PRKD3: variants seen among roughly 807,000 people sequenced by gnomAD.
The protein encoded by PRKD3 is protein kinase D3, also known as serine/threonine-protein kinase D3.
In PRKD3, 47 loss-of-function variants were observed where a neutral mutation model predicts 99.2. The observed-to-expected ratio is 0.47, with a 90% CI of 0.38 to 0.60. The LOEUF is 0.60. Ranked by LOEUF, PRKD3 falls within the 20% of genes least tolerant of loss-of-function variation. The probability of loss-of-function intolerance (pLI) is 0.00; values close to 1 mark genes in which losing one functional copy is unlikely to be tolerated. For missense variants in PRKD3, 1,019 were observed against 1,088.4 expected, an observed-to-expected ratio of 0.94 and a Z score of 0.90; for synonymous variants, 392 against 355.4, an observed-to-expected ratio of 1.10 and a Z score of -1.16.
intron 10 of PRKD3, 30 bp downstream of exon 10, chr2:37,275,737 C>T (rs1431590274): frequency 1.3e-6 from 2 of 1,566,282 alleles, no homozygotes; most frequent in Non-Finnish European, 1.7e-6. Context: ...TATCTTAATG[C>T]TTATATTTTT....
chr2:37,254,570 C>CTA (rs1667784410), intron 17 of PRKD3, among the ~76,000 whole-genome samples: 1 of 152,086 alleles, frequency 6.6e-6, no homozygotes, highest in South Asian at 2.1e-4. Flanking sequence ...GTTCTGCCAC[C>CTA]TACTAGCTGT....
chr2:37,271,392 G>A (rs1480473737), intron 12 of PRKD3, among the ~76,000 whole-genome samples: 2 of 152,112 alleles, frequency 1.3e-5, no homozygotes, highest in Non-Finnish European at 1.5e-5. Context: ...CAATTTCAGG[G>A]TCCATAAATA....
intron 3 of PRKD3, 141 bp downstream of exon 3, chr2:37,292,992 A>G: frequency 1.0e-6 from 1 of 970,474 alleles, no homozygotes; most frequent in Non-Finnish European, 1.4e-6. Flanking sequence ...AGGAAAAATC[A>G]TATGGTGACC....
At position 37,321,425 on chromosome 2, in the gene PRKD3, G is replaced by A. The variant is rs191631972; in HGVS notation, c.-656+3256C>T. Among the ~76,000 whole-genome samples the A allele has an allele frequency of 4.6e-4, 70 of 152,196 alleles. 1 individual carries two copies. The South Asian group carries it at 0.012, about 26-fold the overall frequency. ...CCTGGAGGTGAGAGGACTTACTTGA[G>A]GATTATCTCACGGTAATATCACAAG... On this transcript the variant is annotated intron_variant, in intron 1 of 18. Transcript: ENST00000234179.
intron 16 of PRKD3, among the ~76,000 whole-genome samples, chr2:37,258,870 A>G (rs993773443): frequency 1.3e-5 from 2 of 152,238 alleles, no homozygotes; most frequent in Admixed American, 6.5e-5. Flanking sequence ...TCAAATGTAT[A>G]TAAACAATAG....
At position 37,256,691 on chromosome 2, in the gene PRKD3, G is replaced by T; in HGVS notation, c.2384C>A (p.Pro795Gln). 1 of 1,480,854 alleles carries T rather than the reference G, an allele frequency of 6.8e-7. No individual in the cohort carries two copies. The highest frequency in any genetic ancestry group is 1.2e-5 in the South Asian group (1 of 84,638). The allele number at this position is 1,480,854 out of a possible 1,614,324, so 91.7% of individuals were successfully genotyped here. ...ACCAGAAATTTCTCTCCATGGATTT[G>T]GTGGGTACATAAATGCAGCATTTTG... ...QIQNAAFMYP[P>Q]NPWREISGEA... is the part of the protein sequence containing the mutation. The change falls in exon 17 of 19, where the codon CCA (proline) becomes CAA (glutamine). Residue 795 changes from proline (P) to glutamine (Q), a missense_variant. By Grantham distance (76) the Pro-to-Gln change is moderately conservative (BLOSUM62 -1). Around this residue, in one of 3 missense-constraint regions of PRKD3, gnomAD observed 125 missense variants for 120.6 expected, o/e 1.04. Coordinates refer to ENST00000234179, the MANE Select transcript of PRKD3 (RefSeq NM_005813.6).
chr2:37,323,135 C>A (rs1671955915), intron 1 of PRKD3, among the ~76,000 whole-genome samples: 1 of 150,716 alleles, frequency 6.6e-6, no homozygotes, highest in Non-Finnish European at 1.5e-5. Context: ...TTTAAATCCA[C>A]GAACAGAAAG....
chr2:37,290,336 G>A (rs755443844), intron 4 of PRKD3, among the ~76,000 whole-genome samples: 1 of 152,034 alleles, frequency 6.6e-6, no homozygotes, highest in Admixed American at 6.5e-5. Context: ...AGGTTCAAGC[G>A]ATTCTCCTGC....
At chr2:37,283,754 A>G (rs1572661228) in intron 6 of PRKD3, among the ~76,000 whole-genome samples, 1 of 152,094 alleles carries the variant, frequency 6.6e-6, no homozygotes, top group African/African-American at 2.4e-5. Flanking sequence ...TGGGAGGCCA[A>G]GGCAGGTGGA....
Position 37,316,897 on chromosome 2 carries a change from G to C in PRKD3, c.-373C>G, listed in dbSNP as rs1287976474. On this transcript the variant is annotated 5_prime_UTR_variant, in exon 2 of 19. Transcript: ENST00000234179. Reference sequence around the variant, plus strand: ...TCTTTAATTTCAGGAAATACATATTGAATAAAAGTTGTTTTTCTGTCAAGG... The same window carrying C: ...TCTTTAATTTCAGGAAATACATATTCAATAAAAGTTGTTTTTCTGTCAAGG... 2 of 1,011,326 alleles carry C rather than the reference G, an allele frequency of 2.0e-6. No homozygotes were observed. Among genetic ancestry groups the C allele is most frequent in the Middle Eastern group, 5.0e-4 (1 of 2,004 alleles). 62.6% of individuals were successfully genotyped at this position (1,011,326 alleles called of 1,614,324 possible).
At position 37,316,601 on chromosome 2, in the gene PRKD3, G is replaced by A. The variant is rs1671670449; in HGVS notation, c.-77C>T. 3 of 1,525,408 alleles carry A rather than the reference G, an allele frequency of 2.0e-6. No individual in the cohort carries two copies. Among genetic ancestry groups the A allele is most frequent in the African/African-American group, 1.4e-5 (1 of 71,730 alleles). The allele number at this position is 1,525,408 out of a possible 1,614,324, so 94.5% of individuals were successfully genotyped here. The stretch of plus-strand genomic sequence containing the variant: ...TGAAGAGGTTTTTAAAATAACAGCA[G>A]TAAAGAAAATGACCGCACTTTTGGA... On this transcript the variant is annotated 5_prime_UTR_variant, in exon 2 of 19. Coordinates refer to ENST00000234179, the MANE Select transcript of PRKD3 (RefSeq NM_005813.6).
At chr2:37,278,175 TAATATTTTA>T (rs986282333) in intron 8 of PRKD3, 186 bp from the exon 9 acceptor site, 1 of 349,438 alleles carries the variant, frequency 2.9e-6, no homozygotes, top group Non-Finnish European at 5.0e-6. Flanking sequence ...TATTTTAAGC[TAATATTTTA>T]AATCCTATTT....
intron 18 of PRKD3, 119 bp downstream of exon 18, chr2:37,254,085 T>G (rs1667741928): frequency 1.4e-6 from 1 of 716,402 alleles, no homozygotes; most frequent in Non-Finnish European, 2.4e-6. Context: ...TAGTACAAAT[T>G]AATCACTTAA....
At chr2:37,297,660 G>A (rs1670733594) in intron 2 of PRKD3, among the ~76,000 whole-genome samples, 1 of 152,084 alleles carries the variant, frequency 6.6e-6, no homozygotes, top group Non-Finnish European at 1.5e-5. Flanking sequence ...AACAATCTTG[G>A]CTGTTTTGAG....
Position 37,253,022 on chromosome 2 carries a change from A to T in PRKD3, c.*155T>A. 1.6e-6 allele frequency: 1 copy of T among 639,058 alleles called. No individual in the cohort carries two copies. Among genetic ancestry groups the T allele is most frequent in the Non-Finnish European group, 2.4e-6 (1 of 417,878 alleles). 39.6% of individuals were successfully genotyped at this position (639,058 alleles called of 1,614,324 possible). A position where few individuals can be genotyped will look rare whatever the true frequency, so the allele number is the denominator to read the frequency against. On this transcript the variant is annotated 3_prime_UTR_variant, in exon 19 of 19. Transcript: ENST00000234179. ...ATTATTCAGTTTCCCGCCTGTACCT[A>T]CTCATTATGAACTACAGTACTGGTG...
chr2:37,253,495 A>G (rs190276719), intron 18 of PRKD3, 145 bp from the exon 19 acceptor site: 19 of 540,816 alleles, frequency 3.5e-5, no homozygotes, highest in African/African-American at 3.1e-4. Context: ...ACTATGTACT[A>G]AGTTCTACTT....
intron 1 of PRKD3, among the ~76,000 whole-genome samples, chr2:37,319,831 G>C (rs1289338620): frequency 1.3e-5 from 2 of 151,982 alleles, no homozygotes; most frequent in Non-Finnish European, 2.9e-5. Flanking sequence ...AAACCAAACA[G>C]AATAAGTGGT....
chr2:37,309,740 C>T (rs1216076987), intron 2 of PRKD3, among the ~76,000 whole-genome samples: 6 of 150,404 alleles, frequency 4.0e-5, no homozygotes, highest in South Asian at 2.1e-4. Context: ...CCCAGCTACT[C>T]GGGAGGCTGA....
intron 11 of PRKD3, 35 bp downstream of exon 11, chr2:37,274,386 G>C: frequency 1.2e-6 from 2 of 1,607,838 alleles, no homozygotes; most frequent in Non-Finnish European, 1.7e-6. Flanking sequence ...AAGAATTAAA[G>C]AGGAGAAAAA....
Sources: allele counts gnomAD v4.1 joint callset (sites outside exome capture counted in the v4.1 genomes callset), GRCh38; gene constraint gnomAD v4.1.1; regional missense constraint gnomAD v4.1.1; transcripts MANE v1.5; gene names NCBI Gene and HGNC (gene_info 2026-07-23, HGNC 2026-07-21).